The following RNLS variants were observed in gnomAD, a reference collection of about 807,000 sequenced individuals.
RNLS encodes renalase.
A neutral mutation model predicts 39.8 loss-of-function variants in RNLS; 39 were observed. The observed-to-expected ratio is 0.98, with a 90% CI of 0.76 to 1.28. The LOEUF is 1.28. Ranked by LOEUF, RNLS falls within the 50% of genes most tolerant of loss-of-function variation. The pLI, the probability that RNLS is intolerant of heterozygous loss-of-function variation, is 0.00. For synonymous variants in RNLS, 147 were observed against 150.7 expected (o/e 0.98, Z 0.18); for missense variants, 410 against 413.3 (o/e 0.99, Z 0.07).
chr10:88,283,149 G>A (rs1946391), downstream of RNLS, among the ~76,000 whole-genome samples: 84,705 of 151,936 alleles, frequency 0.56, 24,551 homozygotes, highest in Non-Finnish European at 0.63. Flanking sequence ...TTTTATGGCC[G>A]TCTGGGATGG....
At chr10:88,288,027 C>T (rs544327313) in intron 6 of RNLS, among the ~76,000 whole-genome samples, 3 of 152,156 alleles carry the variant, frequency 2.0e-5, no homozygotes, top group Non-Finnish European at 4.4e-5. Context: ...AACTTTCTGG[C>T]TCTTAATAGG....
At chr10:88,491,566 T>G (rs1844880728) in intron 4 of RNLS, among the ~76,000 whole-genome samples, 1 of 152,168 alleles carries the variant, frequency 6.6e-6, no homozygotes, top group African/African-American at 2.4e-5. Flanking sequence ...TTCCATTGTC[T>G]CTTGAATATG....
chr10:88,323,188 T>C (rs751069745), intron 5 of RNLS, among the ~76,000 whole-genome samples: 3 of 152,184 alleles, frequency 2.0e-5, no homozygotes, highest in Non-Finnish European at 4.4e-5. Flanking sequence ...GAATCAAGAT[T>C]GTTAAAATGA....
At chr10:88,547,834 A>G (rs1194561714) in intron 4 of RNLS, among the ~76,000 whole-genome samples, 1 of 152,202 alleles carries the variant, frequency 6.6e-6, no homozygotes, top group Non-Finnish European at 1.5e-5. Context: ...ATTGGCTTGA[A>G]TGAATCTTTC....
intron 4 of RNLS, among the ~76,000 whole-genome samples, chr10:88,470,865 C>T (rs1047488540): frequency 3.3e-5 from 5 of 152,096 alleles, no homozygotes; most frequent in East Asian, 1.9e-4. Context: ...CCACCCGCCT[C>T]GGCCTCCCAA....
intron 6 of RNLS, among the ~76,000 whole-genome samples, chr10:88,294,162 A>G (rs933763544): frequency 3.3e-5 from 5 of 152,204 alleles, no homozygotes; most frequent in African/African-American, 7.2e-5. Flanking sequence ...TTCTCTGTAT[A>G]TATCTCCCTA....
At chr10:88,467,860 A>C (rs982318473) in intron 4 of RNLS, among the ~76,000 whole-genome samples, 2 of 152,176 alleles carry the variant, frequency 1.3e-5, no homozygotes, top group East Asian at 1.9e-4. Context: ...GAAAGGTAGA[A>C]TCTCAGGCTC....
chr10:88,303,575 C>T (rs1444207605), intron 6 of RNLS, among the ~76,000 whole-genome samples: 3 of 152,178 alleles, frequency 2.0e-5, no homozygotes, highest in African/African-American at 7.2e-5. Context: ...TCCCTCAGGC[C>T]CATGGCAACT....
chr10:88,266,730 CA>C, the RNLS span, among the ~76,000 whole-genome samples: 13 of 150,288 alleles, frequency 8.7e-5, no homozygotes, highest in South Asian at 2.1e-4. Context: ...CACACACACA[CA>C]CACACCCCAC....
chr10:88,354,805 G>A (rs139787090), intron 5 of RNLS, among the ~76,000 whole-genome samples: 1,557 of 152,316 alleles, frequency 0.01, 27 homozygotes, highest in African/African-American at 0.036. Context: ...ATCCTGCAGA[G>A]TGTTTTCCAA....
chr10:88,304,441 A>G (rs1409762773), intron 6 of RNLS, among the ~76,000 whole-genome samples: 1 of 152,232 alleles, frequency 6.6e-6, no homozygotes, highest in East Asian at 1.9e-4. Context: ...GCCAAAAATA[A>G]TGATAAAACA....
chr10:88,302,889 A>C (rs1399330944), intron 6 of RNLS, among the ~76,000 whole-genome samples: 3 of 152,200 alleles, frequency 2.0e-5, no homozygotes, highest in Non-Finnish European at 2.9e-5. Flanking sequence ...AAGATGGCTG[A>C]CTAGATGCAG....
intron 4 of RNLS, among the ~76,000 whole-genome samples, chr10:88,418,644 ATTTC>A (rs1564784813): frequency 6.6e-6 from 1 of 152,174 alleles, no homozygotes; most frequent in East Asian, 1.9e-4. Flanking sequence ...CAAACATACA[ATTTC>A]TTTCTTCTGT....
At chr10:88,266,728 CACACACA>C in the RNLS span, among the ~76,000 whole-genome samples, 29 of 149,460 alleles carry the variant, frequency 1.9e-4, no homozygotes, top group Admixed American at 3.3e-4. Flanking sequence ...CACACACACA[CACACACA>C]CCCCACACAC....
At chr10:88,454,834 G>T (rs1433745513) in intron 4 of RNLS, among the ~76,000 whole-genome samples, 1 of 152,194 alleles carries the variant, frequency 6.6e-6, no homozygotes, top group Non-Finnish European at 1.5e-5. Flanking sequence ...AAGGAGAATA[G>T]ATGATTCCTG....
intron 4 of RNLS, among the ~76,000 whole-genome samples, chr10:88,519,988 T>G (rs1406499109): frequency 6.6e-6 from 1 of 151,966 alleles, no homozygotes; most frequent in Non-Finnish European, 1.5e-5. Context: ...TTCTGGCCAG[T>G]GAACCTGAGT....
chr10:88,549,286 G>A (rs1049039262), intron 4 of RNLS, among the ~76,000 whole-genome samples: 1 of 151,994 alleles, frequency 6.6e-6, no homozygotes, highest in African/African-American at 2.4e-5. Flanking sequence ...ATTTTATGGT[G>A]GCTCATGCCT....
chr10:88,278,885 T>C (rs1564656944), intron 6 of RNLS, among the ~76,000 whole-genome samples: 1 of 152,232 alleles, frequency 6.6e-6, no homozygotes, highest in Non-Finnish European at 1.5e-5. Flanking sequence ...CCTTTGGTAC[T>C]TACTAATATT....
At chr10:88,377,759 T>C (rs1851132056) in intron 4 of RNLS, among the ~76,000 whole-genome samples, 1 of 152,210 alleles carries the variant, frequency 6.6e-6, no homozygotes. Flanking sequence ...TAATCTTCTG[T>C]AGACTTTATA....
Sources: gnomAD v4.1 joint callset for allele counts (sites outside exome capture counted in the v4.1 genomes callset) on GRCh38, gnomAD v4.1.1 for gene constraint, MANE v1.5 for transcripts, NCBI Gene and HGNC (gene_info 2026-07-23, HGNC 2026-07-21) for gene names.